Variants in XKR4 observed in about 807,000 individuals in gnomAD.
XKR4 encodes the protein XK-related protein 4.
In XKR4, 12 loss-of-function variants were observed where a neutral mutation model predicts 53.9. The observed-to-expected ratio is 0.22, with a 90% CI of 0.14 to 0.36. The LOEUF is 0.36. Among genes scored for constraint, XKR4 ranks in the 10% least tolerant of loss-of-function variants. The probability of loss-of-function intolerance (pLI) is 1.00; values close to 1 mark genes in which losing one functional copy is unlikely to be tolerated. For synonymous variants in XKR4, 354 were observed against 362.4 expected (o/e 0.98, Z 0.26); for missense variants, 799 against 859.5 (o/e 0.93, Z 0.88).
chr8:55,338,777 C>A (rs1046822770), intron 1 of XKR4, among the ~76,000 whole-genome samples: 1 of 152,040 alleles, frequency 6.6e-6, no homozygotes, highest in Non-Finnish European at 1.5e-5. Context: ...CCAAATTAAG[C>A]TTTAGGGGTT....
At chr8:55,239,661 C>A (rs1361773015) in intron 1 of XKR4, among the ~76,000 whole-genome samples, 1 of 152,152 alleles carries the variant, frequency 6.6e-6, no homozygotes, top group Non-Finnish European at 1.5e-5. Flanking sequence ...GTGAGGTGTT[C>A]CCATTCACTC....
At chr8:55,275,172 A>G (rs534169002) in intron 1 of XKR4, among the ~76,000 whole-genome samples, 1 of 152,320 alleles carries the variant, frequency 6.6e-6, no homozygotes, top group South Asian at 2.1e-4. Flanking sequence ...TAAAATATTC[A>G]TCATTTCAAA....
intron 2 of XKR4, among the ~76,000 whole-genome samples, chr8:55,372,894 A>C (rs1804087738): frequency 4.6e-5 from 7 of 152,184 alleles, no homozygotes; most frequent in Admixed American, 4.6e-4. Flanking sequence ...GAATAGAGAC[A>C]GCCCTGCAAA....
chr8:55,410,188 C>A (rs1241225507), intron 2 of XKR4, among the ~76,000 whole-genome samples: 1 of 152,112 alleles, frequency 6.6e-6, no homozygotes. Context: ...CTTCTGGCTG[C>A]ATCTCTCAGA....
At chr8:55,393,900 G>A (rs750951304) in intron 2 of XKR4, among the ~76,000 whole-genome samples, 2 of 152,188 alleles carry the variant, frequency 1.3e-5, no homozygotes, top group Non-Finnish European at 2.9e-5. Context: ...TTGTGCCCAT[G>A]AGCCTGTCTG....
Position 55,528,991 on chromosome 8 carries a change from AGTT to A in XKR4, c.*4770_*4772del, listed in dbSNP as rs1442742759. 1 of 149,880 alleles carries A rather than the reference AGTT, an allele frequency of 6.7e-6. No individual in the cohort carries two copies. Among genetic ancestry groups the A allele is most frequent in the African/African-American group, 2.5e-5 (1 of 40,470 alleles). The allele number at this position is 149,880 out of a possible 1,614,324, so 9.3% of individuals were successfully genotyped here. On this transcript the variant is annotated 3_prime_UTR_variant, in exon 3 of 3. Coordinates refer to ENST00000327381, the MANE Select transcript of XKR4 (RefSeq NM_052898.2). Reference sequence around the variant, plus strand: ...CTGGGTGGCAGCATCAGACCACTGAAGTTGTTGTGTTGACATATGTCTTATCTA... The same window carrying A: ...CTGGGTGGCAGCATCAGACCACTGAAGTTGTGTTGACATATGTCTTATCTA...
intron 2 of XKR4, among the ~76,000 whole-genome samples, chr8:55,445,667 G>A (rs1397849525): frequency 6.6e-6 from 1 of 152,010 alleles, no homozygotes; most frequent in African/African-American, 2.4e-5. Flanking sequence ...GGAGATTAGG[G>A]TGGGATCCTT....
At chr8:55,152,421 A>G (rs1172542299) in intron 1 of XKR4, among the ~76,000 whole-genome samples, 1 of 152,204 alleles carries the variant, frequency 6.6e-6, no homozygotes, top group Non-Finnish European at 1.5e-5. Context: ...GAAAAATGGC[A>G]GGTTTTATAC....
intron 1 of XKR4, among the ~76,000 whole-genome samples, chr8:55,287,475 G>C (rs1270824114): frequency 6.6e-6 from 1 of 152,204 alleles, no homozygotes; most frequent in Non-Finnish European, 1.5e-5. Context: ...AGATGTTTCA[G>C]CTTCTCCTAA....
At chr8:55,259,186 C>A (rs1818481707) in intron 1 of XKR4, among the ~76,000 whole-genome samples, 1 of 152,246 alleles carries the variant, frequency 6.6e-6, no homozygotes, top group Non-Finnish European at 1.5e-5. Flanking sequence ...CGCGGGGACG[C>A]ACCTGGGGTG....
chr8:55,103,031 T>TGCCTCCAGCTGCCCGCAGCC lies in XKR4; in HGVS notation c.544_563dup (p.Gly189ProfsTer95), dbSNP rs1816075426. The TGCCTCCAGCTGCCCGCAGCC allele has an allele frequency of 1.2e-6, 2 of 1,612,452 alleles. No individual in the cohort carries two copies. The highest frequency in any genetic ancestry group is 1.7e-5 in the Admixed American group (1 of 59,974). On this transcript the variant is annotated frameshift_variant, in exon 1 of 3. Coordinates refer to ENST00000327381, the MANE Select transcript of XKR4 (RefSeq NM_052898.2). LOFTEE classifies it high-confidence loss of function. ...CCGAGGACAGCGCCACGGCCGCTGC[T>TGCCTCCAGCTGCCCGCAGCC]GCCTCCAGCTGCCCGCAGCCTGGAG...
intron 2 of XKR4, among the ~76,000 whole-genome samples, chr8:55,428,623 T>A (rs1293633874): frequency 1.3e-5 from 2 of 152,012 alleles, no homozygotes; most frequent in Non-Finnish European, 1.5e-5. Flanking sequence ...TTTTCTCAAC[T>A]CCCCCGTGTG....
At chr8:55,308,983 C>A (rs537922854) in intron 1 of XKR4, among the ~76,000 whole-genome samples, 1 of 152,260 alleles carries the variant, frequency 6.6e-6, no homozygotes, top group South Asian at 2.1e-4. Flanking sequence ...AAAAGGCCTA[C>A]CCTGTTTTTG....
At chr8:55,284,121 G>T (rs1037000405) in intron 1 of XKR4, among the ~76,000 whole-genome samples, 1 of 152,090 alleles carries the variant, frequency 6.6e-6, no homozygotes, top group African/African-American at 2.4e-5. Flanking sequence ...AGACACAGAG[G>T]CTTGATTTAT....
At chr8:55,499,598 G>A (rs1476761216) in intron 2 of XKR4, among the ~76,000 whole-genome samples, 2 of 152,220 alleles carry the variant, frequency 1.3e-5, no homozygotes, top group African/African-American at 4.8e-5. Context: ...CACATCTGCA[G>A]TGACCTATTG....
intron 2 of XKR4, among the ~76,000 whole-genome samples, chr8:55,432,669 C>A (rs1805119146): frequency 6.6e-6 from 1 of 152,080 alleles, no homozygotes; most frequent in South Asian, 2.1e-4. Context: ...TTCCATTTAC[C>A]AGAGGAATTA....
chr8:55,380,759 C>T (rs918898106), intron 2 of XKR4, among the ~76,000 whole-genome samples: 4 of 152,250 alleles, frequency 2.6e-5, no homozygotes, highest in African/African-American at 9.6e-5. Flanking sequence ...GAACCTGCTA[C>T]TGATTTCGCA....
At chr8:55,290,414 G>A (rs113867367) in intron 1 of XKR4, among the ~76,000 whole-genome samples, 3 of 152,234 alleles carry the variant, frequency 2.0e-5, no homozygotes, top group African/African-American at 7.2e-5. Context: ...ACAGGCACGA[G>A]CCACTTTATT....
At chr8:55,129,070 C>A (rs537206524) in intron 1 of XKR4, among the ~76,000 whole-genome samples, 16 of 152,260 alleles carry the variant, frequency 1.1e-4, no homozygotes, top group African/African-American at 3.9e-4. Flanking sequence ...ACTTTTGACT[C>A]AGAATAAGGT....
Sources: allele counts gnomAD v4.1 joint callset (sites outside exome capture counted in the v4.1 genomes callset), GRCh38; gene constraint gnomAD v4.1.1; transcripts MANE v1.5; gene names NCBI Gene and HGNC (gene_info 2026-07-23, HGNC 2026-07-21).